Variants in PAK5 observed in about 807,000 individuals in gnomAD.
PAK5 encodes the protein serine/threonine-protein kinase PAK 5.
A neutral mutation model predicts 65.9 loss-of-function variants in PAK5; 16 were observed. That is an observed-to-expected ratio of 0.24 (90% CI 0.16 to 0.37). PAK5 has a LOEUF of 0.37. Ranked by LOEUF, PAK5 falls within the 10% of genes least tolerant of loss-of-function variation. The pLI, the probability that PAK5 is intolerant of heterozygous loss-of-function variation, is 1.00. For missense variants in PAK5, 785 were observed against 903.9 expected (o/e 0.87, Z 1.69); for synonymous variants, 371 against 354.9 (o/e 1.05, Z -0.51).
At chr20:9,774,445 C>A (rs1359826981) in intron 1 of PAK5, among the ~76,000 whole-genome samples, 1 of 152,118 alleles carries the variant, frequency 6.6e-6, no homozygotes, top group African/African-American at 2.4e-5. Flanking sequence ...AAAAATAGAA[C>A]AACCAATTTT....
intron 3 of PAK5, among the ~76,000 whole-genome samples, chr20:9,617,997 A>G (rs2046692306): frequency 6.6e-6 from 1 of 152,246 alleles, no homozygotes; most frequent in African/African-American, 2.4e-5. Flanking sequence ...GATACATCTC[A>G]GAAGAAAAGG....
intron 7 of PAK5, among the ~76,000 whole-genome samples, chr20:9,553,695 G>A (rs1389814452): frequency 6.6e-6 from 1 of 152,086 alleles, no homozygotes; most frequent in Admixed American, 6.5e-5. Context: ...TGTTTTTATT[G>A]TTAAGTGGTA....
intron 4 of PAK5, among the ~76,000 whole-genome samples, 159 bp downstream of exon 4, chr20:9,579,986 C>T (rs3746546): frequency 0.09 from 13,630 of 152,158 alleles, 764 homozygotes; most frequent in East Asian, 0.24. Context: ...AAACCTCTGC[C>T]CTGGGGCCTC....
intron 1 of PAK5, among the ~76,000 whole-genome samples, chr20:9,732,391 T>C (rs2048343690): frequency 6.6e-6 from 1 of 152,162 alleles, no homozygotes; most frequent in South Asian, 2.1e-4. Context: ...TTTAAAACTT[T>C]CTGATGATAT....
chr20:9,780,463 T>C (rs984577281), intron 1 of PAK5, among the ~76,000 whole-genome samples: 9 of 152,126 alleles, frequency 5.9e-5, no homozygotes, highest in African/African-American at 1.9e-4. Context: ...ATGTTATCCA[T>C]GTCTTGGAAG....
chr20:9,709,380 G>A (rs557389075), intron 2 of PAK5, among the ~76,000 whole-genome samples: 11 of 152,260 alleles, frequency 7.2e-5, no homozygotes, highest in African/African-American at 2.4e-4. Flanking sequence ...GATTTATAAG[G>A]TGCTGTGAAA....
intron 7 of PAK5, among the ~76,000 whole-genome samples, chr20:9,550,723 A>G (rs1460315213): frequency 4.6e-5 from 5 of 109,760 alleles, no homozygotes; most frequent in Non-Finnish European, 9.1e-5. Flanking sequence ...CATAGAAACC[A>G]TAATTGTGGT....
intron 1 of PAK5, among the ~76,000 whole-genome samples, chr20:9,773,968 G>A (rs1384479997): frequency 6.6e-6 from 1 of 152,196 alleles, no homozygotes; most frequent in Non-Finnish European, 1.5e-5. Flanking sequence ...ACTGGACAGT[G>A]AGGGAAACTT....
At chr20:9,547,152 G>A (rs1269247945) in intron 7 of PAK5, among the ~76,000 whole-genome samples, 1 of 152,164 alleles carries the variant, frequency 6.6e-6, no homozygotes, top group African/African-American at 2.4e-5. Flanking sequence ...CTGGAGGGAT[G>A]AGTTTACAAG....
At chr20:9,660,853 A>T (rs989887835) in intron 2 of PAK5, among the ~76,000 whole-genome samples, 1 of 152,082 alleles carries the variant, frequency 6.6e-6, no homozygotes, top group African/African-American at 2.4e-5. Context: ...GGGACATGAG[A>T]CAGAGATGGA....
chr20:9,779,631 T>C (rs2048921358), intron 1 of PAK5, among the ~76,000 whole-genome samples: 1 of 151,900 alleles, frequency 6.6e-6, no homozygotes, highest in Admixed American at 6.6e-5. Context: ...GGAAGGGAGA[T>C]AGAGAGCTCA....
intron 5 of PAK5, among the ~76,000 whole-genome samples, chr20:9,565,654 G>T (rs771437618): frequency 5.3e-5 from 8 of 152,168 alleles, no homozygotes; most frequent in Admixed American, 6.5e-5. Flanking sequence ...GAGTTGTTGT[G>T]AGGATCAAGC....
chr20:9,646,336 G>A (rs112337401), intron 2 of PAK5, among the ~76,000 whole-genome samples: 39 of 152,230 alleles, frequency 2.6e-4, no homozygotes, highest in African/African-American at 8.4e-4. Flanking sequence ...CCTGGACTCC[G>A]TCAAAACCCA....
rs372785195 is a variant in PAK5, at chr20:9,688,339, G to A, written c.-12+22947C>T. Among the ~76,000 whole-genome samples the A allele has an allele frequency of 3.9e-5, 6 of 152,020 alleles. No individual in the cohort carries two copies. The South Asian group carries it at 6.2e-4, about 16-fold the overall frequency. On this transcript the variant is annotated intron_variant, in intron 2 of 9. Transcript: ENST00000353224. ...ACACCACGCACTTTGTGTTATTTAG[G>A]AGAGGACAGAGAATCTCTTTAAACT...
intron 7 of PAK5, among the ~76,000 whole-genome samples, chr20:9,554,941 T>A (rs2045483950): frequency 6.6e-6 from 1 of 152,162 alleles, no homozygotes; most frequent in Non-Finnish European, 1.5e-5. Context: ...ATCAGAGGGA[T>A]CTTCTGACCA....
At chr20:9,689,215 C>T (rs2047760237) in intron 2 of PAK5, among the ~76,000 whole-genome samples, 3 of 152,162 alleles carry the variant, frequency 2.0e-5, no homozygotes, top group Admixed American at 2.0e-4. Flanking sequence ...TCTGCAGAAA[C>T]CGTGGGAGGT....
chr20:9,627,746 C>A (rs6039528), intron 3 of PAK5, among the ~76,000 whole-genome samples: 56,118 of 151,790 alleles, frequency 0.37, 11,009 homozygotes, highest in African/African-American at 0.47. Context: ...CCTGCCTCAG[C>A]CTCCCGAGTA....
chr20:9,672,107 A>G (rs1173158640), intron 2 of PAK5, among the ~76,000 whole-genome samples: 1 of 152,028 alleles, frequency 6.6e-6, no homozygotes, highest in Non-Finnish European at 1.5e-5. Context: ...CTACAGAGGT[A>G]ATCTTGATAT....
intron 3 of PAK5, among the ~76,000 whole-genome samples, chr20:9,621,991 G>A (rs762731342): frequency 6.6e-6 from 1 of 152,120 alleles, no homozygotes; most frequent in Non-Finnish European, 1.5e-5. Context: ...TCTGTCACGG[G>A]TGCCTCCTGA....
Sources: gnomAD v4.1 joint callset for allele counts (sites outside exome capture counted in the v4.1 genomes callset) on GRCh38, gnomAD v4.1.1 for gene constraint, MANE v1.5 for transcripts, NCBI Gene and HGNC (gene_info 2026-07-23, HGNC 2026-07-21) for gene names.